ALPL: variants seen among roughly 807,000 people sequenced by gnomAD.
ALPL encodes the protein alkaline phosphatase, biomineralization associated.
ALPL carries 42 observed loss-of-function variants against 51.3 expected under a neutral mutation model. The observed-to-expected ratio is 0.82, with a 90% CI of 0.64 to 1.06. The LOEUF (loss-of-function observed/expected upper bound fraction) is 1.06, where lower values mean the gene tolerates loss of function less well. Ranked by LOEUF, ALPL falls within the 50% of genes least tolerant of loss-of-function variation. ALPL has a pLI of 0.00. For synonymous variants in ALPL, 279 were observed against 296.4 expected, an observed-to-expected ratio of 0.94 and a Z score of 0.60; for missense variants, 589 against 709.4, an observed-to-expected ratio of 0.83 and a Z score of 1.93.
At chr1:21,513,164 T>A (rs190271867) in intron 1 of ALPL, among the ~76,000 whole-genome samples, 1 of 152,118 alleles carries the variant, frequency 6.6e-6, no homozygotes, top group Admixed American at 6.6e-5. Context: ...TTGGAAGGCC[T>A]TTAGAAGCTG....
At chr1:21,538,015 GGCTTT>G (rs1243765612) in intron 1 of ALPL, among the ~76,000 whole-genome samples, 1 of 152,210 alleles carries the variant, frequency 6.6e-6, no homozygotes, top group African/African-American at 2.4e-5. Context: ...AGGACCAGAT[GGCTTT>G]GCGTGTAAAG....
At chr1:21,567,513 G>A (rs958222866) in intron 6 of ALPL, among the ~76,000 whole-genome samples, 3 of 152,206 alleles carry the variant, frequency 2.0e-5, no homozygotes, top group South Asian at 4.1e-4. Context: ...TCCCTGGCTG[G>A]AGCCTCTCCC....
chr1:21,536,388 GCTGCAGTTCTGAGGTCAGACT>G (rs1644105870), intron 1 of ALPL, among the ~76,000 whole-genome samples: 1 of 152,226 alleles, frequency 6.6e-6, no homozygotes, highest in African/African-American at 2.4e-5. Context: ...AACTGGCTGA[GCTGCAGTTCTGAGGTCAGACT>G]CTGTGTTCCA....
At chr1:21,513,478 G>A (rs1292930316) in intron 1 of ALPL, among the ~76,000 whole-genome samples, 1 of 152,194 alleles carries the variant, frequency 6.6e-6, no homozygotes, top group Non-Finnish European at 1.5e-5. Flanking sequence ...GAATACCTCT[G>A]TGACCTTGGG....
chr1:21,539,582 C>T lies in ALPL; in HGVS notation c.-104-14396C>T, dbSNP rs143191946. Among the ~76,000 whole-genome samples the T allele has an allele frequency of 1.8e-3, 268 of 152,196 alleles. 1 individual carries two copies. Among genetic ancestry groups the T allele is most frequent in the African/African-American group, 6.2e-3 (256 of 41,538 alleles). The stretch of plus-strand genomic sequence containing the variant: ...ATCCTCAGCTGGTTAGTGGGGAGAC[C>T]TATCCCTGCCCCTGATGTGCTGTGT... On this transcript the variant is annotated intron_variant, in intron 1 of 11. Transcript: ENST00000374840.
chr1:21,551,020 A>G (rs111274388), intron 1 of ALPL, among the ~76,000 whole-genome samples: 4 of 152,246 alleles, frequency 2.6e-5, no homozygotes, highest in African/African-American at 9.6e-5. Context: ...TACAGGTAGG[A>G]TGATCAGCTT....
intron 6 of ALPL, among the ~76,000 whole-genome samples, chr1:21,567,066 C>T (rs1180249052): frequency 6.6e-6 from 1 of 152,212 alleles, no homozygotes; most frequent in Non-Finnish European, 1.5e-5. Flanking sequence ...CCTCTCCAGC[C>T]ATCCTGTGTT....
intron 1 of ALPL, among the ~76,000 whole-genome samples, chr1:21,546,320 G>A (rs1018466655): frequency 6.6e-6 from 1 of 152,182 alleles, no homozygotes; most frequent in African/African-American, 2.4e-5. Context: ...GGCACCAAGA[G>A]GGTAAAAGTG....
chr1:21,513,546 G>A (rs1232594557), intron 1 of ALPL, among the ~76,000 whole-genome samples: 2 of 152,098 alleles, frequency 1.3e-5, no homozygotes, highest in Non-Finnish European at 2.9e-5. Context: ...ATATATCTGA[G>A]GAGTAGGAGT....
intron 1 of ALPL, among the ~76,000 whole-genome samples, chr1:21,527,471 C>CT (rs1026776162): frequency 6.6e-6 from 1 of 151,526 alleles, no homozygotes; most frequent in Non-Finnish European, 1.5e-5. Flanking sequence ...TTATTTGATT[C>CT]TTTTTTTGGA....
chr1:21,519,356 C>T (rs958132384), intron 1 of ALPL, among the ~76,000 whole-genome samples: 14 of 152,214 alleles, frequency 9.2e-5, no homozygotes, highest in African/African-American at 2.2e-4. Flanking sequence ...GCGGCCTCTG[C>T]GTCTTTCTCT....
chr1:21,563,999 C>T lies in ALPL; in HGVS notation c.473-42C>T, dbSNP rs201412357. 212 of 1,608,904 alleles carry T rather than the reference C, an allele frequency of 1.3e-4. 1 individual carries two copies. The highest frequency in any genetic ancestry group is 1.2e-3 in the African/African-American group (91 of 74,950). On this transcript the variant is annotated intron_variant, in intron 5 of 11. Coordinates refer to ENST00000374840, the MANE Select transcript of ALPL (RefSeq NM_000478.6). Reference sequence around the variant, plus strand: ...GAGGGAGGAGGCCTCTGGGACACCCCGATCTGTGGATAAAGCCAAACCCGC... The same window carrying T: ...GAGGGAGGAGGCCTCTGGGACACCCTGATCTGTGGATAAAGCCAAACCCGC...
At chr1:21,537,838 A>T (rs1047010103) in intron 1 of ALPL, among the ~76,000 whole-genome samples, 1 of 152,096 alleles carries the variant, frequency 6.6e-6, no homozygotes, top group Non-Finnish European at 1.5e-5. Context: ...GGAGCTGATC[A>T]TTTGCACTTC....
At chr1:21,527,579 T>C (rs1204350570) in intron 1 of ALPL, among the ~76,000 whole-genome samples, 1 of 151,584 alleles carries the variant, frequency 6.6e-6, no homozygotes, top group East Asian at 1.9e-4. Context: ...GGTGGAGTTT[T>C]GGCTCTGTTG....
chr1:21,515,644 C>T (rs1643781835), intron 1 of ALPL, among the ~76,000 whole-genome samples: 1 of 152,214 alleles, frequency 6.6e-6, no homozygotes, highest in Non-Finnish European at 1.5e-5. Flanking sequence ...CCTCCTCGGC[C>T]TCGCAAAGTG....
At chr1:21,519,339 G>A (rs1019243240) in intron 1 of ALPL, among the ~76,000 whole-genome samples, 3 of 152,200 alleles carry the variant, frequency 2.0e-5, no homozygotes, top group East Asian at 1.9e-4. Context: ...GGCTCAGTGC[G>A]GGGCCCGCGG....
At chr1:21,558,521 G>T (rs1484737405) in intron 2 of ALPL, among the ~76,000 whole-genome samples, 1 of 152,228 alleles carries the variant, frequency 6.6e-6, no homozygotes. Context: ...TGTCATCCTA[G>T]AACTGCCTGT....
chr1:21,520,490 C>T (rs2800774), intron 1 of ALPL, among the ~76,000 whole-genome samples: 30,493 of 113,960 alleles, frequency 0.27, 3,673 homozygotes, highest in Middle Eastern at 0.36. Flanking sequence ...TTTTTTGAGA[C>T]GGAGTCTCGC....
chr1:21,575,374 G>A (rs1644712559), intron 9 of ALPL, among the ~76,000 whole-genome samples: 1 of 152,202 alleles, frequency 6.6e-6, no homozygotes, highest in Non-Finnish European at 1.5e-5. Context: ...AGGGATTCCA[G>A]CGTGCCCCCT....
Sources: allele counts gnomAD v4.1 joint callset (sites outside exome capture counted in the v4.1 genomes callset), GRCh38; gene constraint gnomAD v4.1.1; transcripts MANE v1.5; gene names NCBI Gene and HGNC (gene_info 2026-07-23, HGNC 2026-07-21).